FAM184A: variants seen among roughly 807,000 people sequenced by gnomAD.
The protein encoded by FAM184A is family with sequence similarity 184 member A.
Under a neutral mutation model 143.8 loss-of-function variants are expected in FAM184A, and 99 were observed. That is an observed-to-expected ratio of 0.69 (90% CI 0.58 to 0.81). FAM184A has a LOEUF of 0.81. Among genes scored for constraint, FAM184A ranks in the 40% least tolerant of loss-of-function variants. FAM184A has a pLI of 0.00. For synonymous variants in FAM184A, 427 were observed against 446.4 expected, an observed-to-expected ratio of 0.96 and a Z score of 0.55; for missense variants, 1,217 against 1,310.5, an observed-to-expected ratio of 0.93 and a Z score of 1.10.
intron 6 of FAM184A, among the ~76,000 whole-genome samples, chr6:119,007,716 T>C (rs1784965891): frequency 6.6e-6 from 1 of 152,102 alleles, no homozygotes; most frequent in Non-Finnish European, 1.5e-5. Context: ...CGAGGCAGGC[T>C]GATCACCTGA....
Position 119,016,957 on chromosome 6 carries a change from C to T in FAM184A, c.1333-13G>A, listed in dbSNP as rs1554268653. The stretch of plus-strand genomic sequence containing the variant: ...CTTCATTTACTTTCTAAAATTAAAA[C>T]AAAGATCAATAATCGGCACCTGCTT... On this transcript the variant is annotated splice_polypyrimidine_tract_variant and intron_variant, in intron 4 of 17. Transcript: ENST00000338891. 9 of 1,576,806 alleles carry T rather than the reference C, an allele frequency of 5.7e-6. No individual in the cohort carries two copies. In the South Asian group the frequency reaches 1.0e-4, roughly 18 times the overall value.
At chr6:119,101,324 G>A (rs113133946) in intron 1 of FAM184A, among the ~76,000 whole-genome samples, 5,419 of 151,504 alleles carry the variant, frequency 0.036, 152 homozygotes, top group African/African-American at 0.071. Flanking sequence ...CGCCCGCCTC[G>A]GCCTCCCAAA....
chr6:119,080,544 T>TA (rs1359201198), upstream of FAM184A, among the ~76,000 whole-genome samples: 1 of 152,218 alleles, frequency 6.6e-6, no homozygotes, highest in African/African-American at 2.4e-5. Context: ...TAATTATAAA[T>TA]AATGAATAGA....
At chr6:119,069,996 A>G (rs1018767354) in intron 1 of FAM184A, among the ~76,000 whole-genome samples, 5 of 152,128 alleles carry the variant, frequency 3.3e-5, no homozygotes, top group Non-Finnish European at 5.9e-5. Flanking sequence ...GGAAATACAG[A>G]ATTAGCAATT....
intron 1 of FAM184A, among the ~76,000 whole-genome samples, chr6:119,087,612 A>T (rs778619191): frequency 6.6e-5 from 10 of 152,232 alleles, no homozygotes; most frequent in Admixed American, 2.0e-4. Context: ...CAAGTGGTAC[A>T]TGGAGAAATT....
chr6:118,976,812 A>C (rs1185814278), intron 11 of FAM184A, among the ~76,000 whole-genome samples: 1 of 152,228 alleles, frequency 6.6e-6, no homozygotes, highest in African/African-American at 2.4e-5. Context: ...AAAATGTTCA[A>C]TATCATGAGC....
chr6:119,061,533 T>C (rs1787246633), intron 1 of FAM184A, among the ~76,000 whole-genome samples: 7 of 86,074 alleles, frequency 8.1e-5, no homozygotes, highest in African/African-American at 2.8e-4. Context: ...TTATTTTTCT[T>C]TTTTTTTTTT....
At chr6:119,128,543 AT>A (rs1031273389) in intron 1 of FAM184A, among the ~76,000 whole-genome samples, 10 of 152,172 alleles carry the variant, frequency 6.6e-5, no homozygotes, top group Non-Finnish European at 1.3e-4. Context: ...ATCTTCTGAA[AT>A]TTCTTAAGCA....
intron 1 of FAM184A, among the ~76,000 whole-genome samples, chr6:119,076,052 C>T (rs75875134): frequency 0.032 from 4,831 of 152,006 alleles, 536 homozygotes; most frequent in Admixed American, 0.21. Flanking sequence ...TTTCAACTAC[C>T]CTGCCCGCTC....
intron 1 of FAM184A, among the ~76,000 whole-genome samples, chr6:119,063,891 C>T (rs75313308): frequency 0.019 from 2,858 of 151,682 alleles, 34 homozygotes; most frequent in Non-Finnish European, 0.029. Context: ...ACTCATAAAG[C>T]TCTCTTCCAT....
intron 15 of FAM184A, 116 bp from the exon 16 acceptor site, chr6:118,964,887 G>C (rs1783449685): frequency 1.7e-6 from 1 of 591,664 alleles, no homozygotes; most frequent in Non-Finnish European, 2.9e-6. Context: ...TGAAGATTTA[G>C]ATACTTTGTT....
At chr6:119,046,358 A>C (rs1024253273) in intron 1 of FAM184A, among the ~76,000 whole-genome samples, 4 of 151,658 alleles carry the variant, frequency 2.6e-5, no homozygotes, top group Non-Finnish European at 4.4e-5. Context: ...CAAGTAGCTG[A>C]CAAGTACAGA....
chr6:119,129,287 A>G (rs1044422451), intron 1 of FAM184A, among the ~76,000 whole-genome samples: 2 of 152,228 alleles, frequency 1.3e-5, no homozygotes, highest in African/African-American at 4.8e-5. Context: ...GTGGCTGGGC[A>G]GAGACACCTA....
At chr6:119,120,820 CT>C (rs1562158685) in intron 1 of FAM184A, among the ~76,000 whole-genome samples, 3,884 of 137,456 alleles carry the variant, frequency 0.028, 166 homozygotes, top group African/African-American at 0.1. Context: ...TTCTTTCTTT[CT>C]TTCTTCCTTT....
chr6:118,975,174 T>C lies in FAM184A; in HGVS notation c.2618A>G (p.Gln873Arg). The C allele has an allele frequency of 3.1e-6, 5 of 1,609,368 alleles. No individual in the cohort carries two copies. Among genetic ancestry groups the C allele is most frequent in the Non-Finnish European group, 4.2e-6 (5 of 1,177,876 alleles). ...KEHICRITDL[Q>R]EELRHREHHI... ...ATGCTCTCTGTGTCTTAATTCCTCT[T>C]GTAGATCTGTAATTCTACATATGTG... Residue 873 changes from glutamine to arginine, a missense_variant, in exon 13 of 18, where the codon CAA becomes CGA. Coordinates refer to ENST00000338891, the MANE Select transcript of FAM184A (RefSeq NM_024581.6).
intron 1 of FAM184A, among the ~76,000 whole-genome samples, chr6:119,074,491 G>A (rs1787801679): frequency 6.6e-6 from 1 of 152,034 alleles, no homozygotes; most frequent in East Asian, 1.9e-4. Context: ...AGGATGATTT[G>A]TATTATCTAA....
chr6:119,063,636 G>C (rs1470438896), intron 1 of FAM184A, among the ~76,000 whole-genome samples: 4 of 152,114 alleles, frequency 2.6e-5, no homozygotes, highest in Non-Finnish European at 5.9e-5. Context: ...GTGAAATCTA[G>C]TATCAACCTC....
chr6:119,003,577 C>T lies in FAM184A; in HGVS notation c.1861G>A (p.Ala621Thr), dbSNP rs1185152643. Residue 621 changes from alanine (A) to threonine (T), a missense_variant, in exon 8 of 18, where the codon GCC (alanine) becomes ACC (threonine). Coordinates refer to ENST00000338891, the MANE Select transcript of FAM184A (RefSeq NM_024581.6). ...ERQQHEETIA[A>T]MKEEEKLKVD... ...TTGAGCTTCTCTTCTTCTTTCATGG[C>T]AGCAATTGTTTCTTCATGCTGTTGC... The T allele has an allele frequency of 1.2e-6, 2 of 1,612,356 alleles. No homozygotes were observed. Among genetic ancestry groups the T allele is most frequent in the African/African-American group, 1.3e-5 (1 of 74,868 alleles).
chr6:119,009,090 C>T (rs1008036666), intron 6 of FAM184A, among the ~76,000 whole-genome samples: 1 of 152,186 alleles, frequency 6.6e-6, no homozygotes, highest in Admixed American at 6.5e-5. Flanking sequence ...GTTATTTTAA[C>T]TTTTCTATGC....
Sources: gnomAD v4.1 joint callset for allele counts (sites outside exome capture counted in the v4.1 genomes callset) on GRCh38, gnomAD v4.1.1 for gene constraint, MANE v1.5 for transcripts, NCBI Gene and HGNC (gene_info 2026-07-23, HGNC 2026-07-21) for gene names.